Variants in NDST3 observed in about 807,000 individuals in gnomAD.
NDST3 encodes the protein N-deacetylase and N-sulfotransferase 3.
A neutral mutation model predicts 96.1 loss-of-function variants in NDST3; 58 were observed. That is an observed-to-expected ratio of 0.60 (90% CI 0.49 to 0.75). The LOEUF (loss-of-function observed/expected upper bound fraction) is 0.75, where lower values mean the gene tolerates loss of function less well. NDST3 is among the 30% of genes least tolerant of loss of function. The probability of loss-of-function intolerance (pLI) is 0.00; values close to 1 mark genes in which losing one functional copy is unlikely to be tolerated. For synonymous variants in NDST3, 333 were observed against 359.7 expected, an observed-to-expected ratio of 0.93 and a Z score of 0.84; for missense variants, 788 against 1,034.2, an observed-to-expected ratio of 0.76 and a Z score of 3.27.
chr4:118,216,777 C>T (rs1739219723), intron 6 of NDST3, among the ~76,000 whole-genome samples: 2 of 152,020 alleles, frequency 1.3e-5, no homozygotes, highest in African/African-American at 4.8e-5. Context: ...AAGAATAAAT[C>T]ATTGAGGAGG....
chr4:118,122,876 A>G (rs989905097), intron 4 of NDST3, among the ~76,000 whole-genome samples: 1 of 152,172 alleles, frequency 6.6e-6, no homozygotes, highest in Non-Finnish European at 1.5e-5. Flanking sequence ...GAAAATGAAG[A>G]AAGCAAGGCT....
chr4:118,068,994 A>G (rs1726825702), intron 2 of NDST3, among the ~76,000 whole-genome samples: 1 of 152,126 alleles, frequency 6.6e-6, no homozygotes, highest in Admixed American at 6.6e-5. Flanking sequence ...AGTGCATTTT[A>G]CATGAAGGGA....
rs1204439025 is a variant in NDST3 at position 118,077,222 on chromosome 4, G to A, written c.981+22331G>A. Among the ~76,000 whole-genome samples, 3 of 152,126 alleles carry A rather than the reference G, an allele frequency of 2.0e-5. No homozygotes were observed. The East Asian group carries it at 5.8e-4, about 29-fold the overall frequency. On this transcript the variant is annotated intron_variant, in intron 2 of 13. Transcript: ENST00000296499. ...CTGATGGGGGGGTGCCAGCCAAAGT[G>A]CTTCACTGGGGCAATGGCAACAGGA... is the stretch of plus-strand genomic sequence containing the variant.
chr4:118,138,084 G>A lies in NDST3; in HGVS notation c.1255G>A (p.Ala419Thr), dbSNP rs899500721. 5 of 1,612,870 alleles carry A rather than the reference G, an allele frequency of 3.1e-6. No homozygotes were observed. The highest frequency in any genetic ancestry group is 4.2e-6 in the Non-Finnish European group (5 of 1,179,394). Residue 419 changes from alanine (A) to threonine (T), a missense_variant, in exon 5 of 14, where the codon GCT (alanine) becomes ACT (threonine). This residue lies in a region of NDST3 where 490 missense variants were observed against 708.8 expected (regional missense o/e 0.69). Coordinates refer to ENST00000296499, the MANE Select transcript of NDST3 (RefSeq NM_004784.3). ...EHGIPTDMGY[A>T]VAPHHSGVYP... is the part of the protein sequence containing the mutation. ...CGGCATTCCAACGGACATGGGCTACGCTGTGGCCCCTCACCATTCGGGCGT... is the reference window on the plus strand; with the variant it reads ...CGGCATTCCAACGGACATGGGCTACACTGTGGCCCCTCACCATTCGGGCGT...
At chr4:118,040,027 G>C (rs1015258297) in intron 1 of NDST3, among the ~76,000 whole-genome samples, 2 of 152,206 alleles carry the variant, frequency 1.3e-5, no homozygotes, top group Non-Finnish European at 2.9e-5. Context: ...GGTAGAAGGA[G>C]CCAAGAACAT....
At chr4:118,217,398 T>C (rs1026369922) in intron 6 of NDST3, among the ~76,000 whole-genome samples, 33 of 152,188 alleles carry the variant, frequency 2.2e-4, no homozygotes, top group Admixed American at 1.3e-4. Context: ...CAGGGAATTA[T>C]AGTATAGGAA....
At chr4:118,064,976 T>C (rs1726189361) in intron 2 of NDST3, among the ~76,000 whole-genome samples, 1 of 152,108 alleles carries the variant, frequency 6.6e-6, no homozygotes, top group African/African-American at 2.4e-5. Context: ...GCCACATCTC[T>C]CTCAAACTGG....
At chr4:118,104,254 T>G (rs934535887) in intron 2 of NDST3, among the ~76,000 whole-genome samples, 8 of 152,050 alleles carry the variant, frequency 5.3e-5, no homozygotes, top group African/African-American at 1.9e-4. Context: ...TCTGCCTAGT[T>G]GAAGTGAACA....
chr4:118,187,046 T>C (rs1339701549), intron 6 of NDST3, among the ~76,000 whole-genome samples: 4 of 152,176 alleles, frequency 2.6e-5, no homozygotes, highest in Non-Finnish European at 5.9e-5. Context: ...AGAGTCCCCA[T>C]GAACCAATCC....
chr4:118,104,956 T>C (rs968280690), intron 2 of NDST3, 62 bp from the exon 3 acceptor site: 1 of 1,351,590 alleles, frequency 7.4e-7, no homozygotes, highest in Non-Finnish European at 1.1e-6. Flanking sequence ...AAAGGATATA[T>C]CTTTTGGAAA....
chr4:118,040,863 AT>A (rs34916324), intron 1 of NDST3, among the ~76,000 whole-genome samples: 1 of 76,894 alleles, frequency 1.3e-5, no homozygotes, highest in Admixed American at 1.7e-4. Context: ...ATATTTATAT[AT>A]TTTTATATAT....
chr4:118,082,003 T>C, intron 2 of NDST3, among the ~76,000 whole-genome samples: 1 of 152,190 alleles, frequency 6.6e-6, no homozygotes. Flanking sequence ...TAGAAAGCTG[T>C]TTACAGCCAT....
intron 2 of NDST3, 39 bp from the exon 3 acceptor site, chr4:118,104,979 A>T (rs1163577661): frequency 1.9e-6 from 3 of 1,564,538 alleles, no homozygotes; most frequent in Non-Finnish European, 2.6e-6. Flanking sequence ...TTTTAATGCC[A>T]TTCTTTACCT....
intron 3 of NDST3, among the ~76,000 whole-genome samples, chr4:118,107,097 T>TC (rs1285108127): frequency 1.2e-4 from 9 of 72,598 alleles, no homozygotes; most frequent in African/African-American, 2.7e-4. Flanking sequence ...CTCAAAATAA[T>TC]AATAATAATA....
chr4:118,158,038 C>T (rs1224052234), intron 6 of NDST3, among the ~76,000 whole-genome samples: 1 of 152,002 alleles, frequency 6.6e-6, no homozygotes, highest in East Asian at 1.9e-4. Flanking sequence ...TATATTGATG[C>T]TGTTGGGAAC....
chr4:118,103,555 A>G (rs1021324068), intron 2 of NDST3, among the ~76,000 whole-genome samples: 5 of 152,146 alleles, frequency 3.3e-5, no homozygotes, highest in African/African-American at 1.2e-4. Context: ...ACACCTAGGT[A>G]TATCCTTCCC....
intron 6 of NDST3, among the ~76,000 whole-genome samples, chr4:118,220,664 C>T (rs1739479062): frequency 6.6e-6 from 1 of 151,922 alleles, no homozygotes; most frequent in Non-Finnish European, 1.5e-5. Context: ...GCCAAATTCA[C>T]ATGTCTGTAT....
intron 2 of NDST3, among the ~76,000 whole-genome samples, chr4:118,090,332 G>A (rs1206916754): frequency 6.6e-6 from 1 of 151,874 alleles, no homozygotes; most frequent in African/African-American, 2.4e-5. Flanking sequence ...GTTCTGCTTT[G>A]GGAAATCTGT....
rs773971123 is a variant in NDST3, at chr4:118,255,755, A to C, written c.*43A>C. 2 of 1,520,432 alleles carry C rather than the reference A, an allele frequency of 1.3e-6. No homozygotes were observed. The highest frequency in any genetic ancestry group is 1.8e-6 in the Non-Finnish European group (2 of 1,128,410). 94.2% of individuals were successfully genotyped at this position (1,520,432 alleles called of 1,614,324 possible). A position where few individuals can be genotyped will look rare whatever the true frequency, so the allele number is the denominator to read the frequency against. ...AGACTTCATCGTCCATGTAGAACAC[A>C]CCTTTTCCAAAGCTTCCAGAAGCTA... On this transcript the variant is annotated 3_prime_UTR_variant, in exon 14 of 14. Coordinates refer to ENST00000296499, the MANE Select transcript of NDST3 (RefSeq NM_004784.3).
Sources: gnomAD v4.1 joint callset for allele counts (sites outside exome capture counted in the v4.1 genomes callset) on GRCh38, gnomAD v4.1.1 for gene constraint, gnomAD v4.1.1 regional missense constraint, MANE v1.5 for transcripts, NCBI Gene and HGNC (gene_info 2026-07-23, HGNC 2026-07-21) for gene names.